Variants in PRPF38A observed in about 807,000 individuals in gnomAD.
The protein encoded by PRPF38A is pre-mRNA processing factor 38A, also known as pre-mRNA-splicing factor 38A.
A neutral mutation model predicts 46.8 loss-of-function variants in PRPF38A; 11 were observed. The ratio of observed to expected loss-of-function variants is 0.24; its 90% CI spans 0.15 to 0.39. The LOEUF is 0.39. Among genes scored for constraint, PRPF38A ranks in the 10% least tolerant of loss-of-function variants. The probability of loss-of-function intolerance (pLI) is 1.00; values close to 1 mark genes in which losing one functional copy is unlikely to be tolerated. For synonymous variants in PRPF38A, 124 were observed against 136.2 expected, an observed-to-expected ratio of 0.91 and a Z score of 0.62; for missense variants, 261 against 407.5, an observed-to-expected ratio of 0.64 and a Z score of 3.10.
rs1569984745 is a variant in PRPF38A, at chr1:52,416,864, C to T, written c.*174C>T. 6.5e-6 allele frequency: 4 copies of T among 616,672 alleles called. No homozygotes were observed. In the East Asian group the frequency reaches 8.6e-5, roughly 13 times the overall value. The allele number at this position is 616,672 out of a possible 1,614,324, so 38.2% of individuals were successfully genotyped here. On this transcript the variant is annotated 3_prime_UTR_variant, in exon 10 of 10. Coordinates refer to ENST00000257181, the MANE Select transcript of PRPF38A (RefSeq NM_032864.4). Reference sequence around the variant, plus strand: ...GTGCTGAGTTTTGTATCTTTTTAATCATAATCAACATCAGTTTTTGACCCA... The same window carrying T: ...GTGCTGAGTTTTGTATCTTTTTAATTATAATCAACATCAGTTTTTGACCCA...
At chr1:52,413,043 T>C (rs1019783974) in intron 5 of PRPF38A, among the ~76,000 whole-genome samples, 1 of 152,202 alleles carries the variant, frequency 6.6e-6, no homozygotes, top group East Asian at 1.9e-4. Context: ...CAATATTTCC[T>C]TATTAAAAGC....
At chr1:52,414,694 G>A in intron 7 of PRPF38A, 47 bp downstream of exon 7, 1 of 1,613,500 alleles carries the variant, frequency 6.2e-7, no homozygotes, top group Non-Finnish European at 8.5e-7. Flanking sequence ...TTGGGGAGGG[G>A]GTGGTGGTAT....
rs1387049820 is a variant in PRPF38A, at chr1:52,419,191, AC to A, written c.*2502del. The A allele has an allele frequency of 6.6e-6, 1 of 152,270 alleles. No homozygotes were observed. Among genetic ancestry groups the A allele is most frequent in the East Asian group, 1.9e-4 (1 of 5,190 alleles). 9.4% of individuals were successfully genotyped at this position (152,270 alleles called of 1,614,324 possible). ...GCCAACATGGAGAAACCCTGTCTCT[AC>A]TAAAAAATACAAAATTAGCCGGGCA... On this transcript the variant is annotated 3_prime_UTR_variant, in exon 10 of 10. Coordinates refer to ENST00000257181, the MANE Select transcript of PRPF38A (RefSeq NM_032864.4).
intron 3 of PRPF38A, chr1:52,409,672 T>C (rs185096912): frequency 1.3e-5 from 2 of 152,324 alleles, no homozygotes; most frequent in Non-Finnish European, 2.9e-5. Context: ...TAAATACATA[T>C]TAAGTGCCAT....
In PRPF38A at chr1:52,416,942, G is replaced by T. The variant is rs905251469; in HGVS notation, c.*252G>T. 4.1e-4 allele frequency: 183 copies of T among 449,404 alleles called. No homozygotes were observed. The highest frequency in any genetic ancestry group is 1.3e-3 in the Middle Eastern group (2 of 1,600). The allele number at this position is 449,404 out of a possible 1,614,324, so 27.8% of individuals were successfully genotyped here. On this transcript the variant is annotated 3_prime_UTR_variant, in exon 10 of 10. Coordinates refer to ENST00000257181, the MANE Select transcript of PRPF38A (RefSeq NM_032864.4). Reference sequence around the variant, plus strand: ...GAGAGTATAAAGGATCTGGAGGTTGGGGATATGACTGACAAGGAAAGGCTG... The same window carrying T: ...GAGAGTATAAAGGATCTGGAGGTTGTGGATATGACTGACAAGGAAAGGCTG...
rs142879021 is a variant in PRPF38A, at chr1:52,413,939, C to G, written c.670C>G (p.Arg224Gly). Residue 224 changes from arginine (R) to glycine (G), a missense_variant, in exon 6 of 10, where the codon CGT (arginine) becomes GGT (glycine). Physicochemically the swap from Arg to Gly is moderately radical, Grantham distance 125. Transcript: ENST00000257181. ...AAGCTACCGAGACTTGGACAAGCCC[C>G]GTCGCTCTCCCACACTGCGCTACAG... The part of the protein sequence containing the change: ...RRSYRDLDKP[R>G]RSPTLRYRRS... The G allele has an allele frequency of 1.1e-4, 176 of 1,613,966 alleles. No homozygotes were observed. The highest frequency in any genetic ancestry group is 1.4e-4 in the South Asian group (13 of 91,088).
Position 52,412,551 on chromosome 1 carries a change from C to T in PRPF38A, c.536C>T (p.Pro179Leu). 1 of 1,613,730 alleles carries T rather than the reference C, an allele frequency of 6.2e-7. No homozygotes were observed. Among genetic ancestry groups the T allele is most frequent in the East Asian group, 2.2e-5 (1 of 44,870 alleles). ...YVLEEAEQLE[P>L]RVSALEEDMD... is the part of the protein sequence containing the mutation. ...TTAGAGGAAGCTGAGCAACTGGAGCCTCGAGTTAGTGCTCTGGAAGAGGAC... is the reference window on the plus strand; with the variant it reads ...TTAGAGGAAGCTGAGCAACTGGAGCTTCGAGTTAGTGCTCTGGAAGAGGAC... The change falls in exon 5 of 10, where the codon CCT becomes CTT. Residue 179 changes from proline (P) to leucine (L), a missense_variant. By Grantham distance (98) the Pro-to-Leu change is moderately conservative (BLOSUM62 -3). Around this residue, in one of 2 missense-constraint regions of PRPF38A, gnomAD observed 180 missense variants for 221.0 expected, o/e 0.81. Coordinates refer to ENST00000257181, the MANE Select transcript of PRPF38A (RefSeq NM_032864.4).
chr1:52,410,238 G>A (rs753974209), intron 3 of PRPF38A, among the ~76,000 whole-genome samples: 1 of 148,152 alleles, frequency 6.7e-6, no homozygotes, highest in Admixed American at 6.7e-5. Flanking sequence ...GGAGGCGGAG[G>A]TTGCAGTGAG....
Position 52,413,943 on chromosome 1 carries a change from G to A in PRPF38A, c.674G>A (p.Arg225His), listed in dbSNP as rs754351353. 1.2e-5 allele frequency: 19 copies of A among 1,613,868 alleles called. No homozygotes were observed. The highest frequency in any genetic ancestry group is 5.0e-5 in the Admixed American group (3 of 59,986). The change falls in exon 6 of 10, where the codon CGC becomes CAC. Residue 225 changes from arginine to histidine, a missense_variant. Transcript: ENST00000257181. Reference sequence around the variant, plus strand: ...TACCGAGACTTGGACAAGCCCCGTCGCTCTCCCACACTGCGCTACAGGAGG... The same window carrying A: ...TACCGAGACTTGGACAAGCCCCGTCACTCTCCCACACTGCGCTACAGGAGG... Reference protein sequence around the residue: ...RSYRDLDKPRRSPTLRYRRSR... With the variant: ...RSYRDLDKPRHSPTLRYRRSR...
At chr1:52,404,913 C>T (rs758760552) in intron 1 of PRPF38A, 34 bp downstream of exon 1, 2 of 1,609,168 alleles carry the variant, frequency 1.2e-6, no homozygotes, top group Non-Finnish European at 1.7e-6. Flanking sequence ...CTCTCAGCCC[C>T]CTTGTGGCCC....
In PRPF38A at chr1:52,417,164, A is replaced by G. The variant is rs749710890; in HGVS notation, c.*474A>G. ...TTTTCCAGCAGCAGCAAGTGGTAAT[A>G]AACATGAAAACTGGTTTGTAGCAGT... On this transcript the variant is annotated 3_prime_UTR_variant, in exon 10 of 10. Transcript: ENST00000257181. 4 of 160,380 alleles carry G rather than the reference A, an allele frequency of 2.5e-5. No individual in the cohort carries two copies. Among genetic ancestry groups the G allele is most frequent in the Non-Finnish European group, 5.5e-5 (4 of 72,228 alleles). The allele number at this position is 160,380 out of a possible 1,614,324, so 9.9% of individuals were successfully genotyped here.
rs1183501163 is a variant in PRPF38A, at chr1:52,418,916, A to G, written c.*2226A>G. ...TGAATTCTGGTGTTTCCTACTTGTT[A>G]ACAGTTTTTAATATTGGATGAAACC... On this transcript the variant is annotated 3_prime_UTR_variant, in exon 10 of 10. Coordinates refer to ENST00000257181, the MANE Select transcript of PRPF38A (RefSeq NM_032864.4). 6.6e-6 allele frequency: 1 copy of G among 152,262 alleles called. No individual in the cohort carries two copies. The highest frequency in any genetic ancestry group is 1.5e-5 in the Non-Finnish European group (1 of 68,048). 9.4% of individuals were successfully genotyped at this position (152,262 alleles called of 1,614,324 possible). A position where few individuals can be genotyped will look rare whatever the true frequency, so the allele number is the denominator to read the frequency against.
In PRPF38A at chr1:52,411,207, A is replaced by T; in HGVS notation, c.498+7A>T. 6.2e-7 allele frequency: 1 copy of T among 1,604,004 alleles called. No individual in the cohort carries two copies. The highest frequency in any genetic ancestry group is 8.5e-7 in the Non-Finnish European group (1 of 1,171,468). On this transcript the variant is annotated splice_region_variant and intron_variant, in intron 4 of 9. Coordinates refer to ENST00000257181, the MANE Select transcript of PRPF38A (RefSeq NM_032864.4). ...CATTCTGCCCCGACTACAGGTAAGA[A>T]ATAAAAGTCTGTTACCAGAGTCACC...
intron 2 of PRPF38A, among the ~76,000 whole-genome samples, chr1:52,407,933 A>G (rs1291513790): frequency 2.0e-5 from 3 of 152,210 alleles, no homozygotes; most frequent in African/African-American, 7.2e-5. Flanking sequence ...GCACATGCCT[A>G]TAATCCCAGC....
chr1:52,414,033 A>T, intron 6 of PRPF38A, 42 bp downstream of exon 6: 1 of 1,340,746 alleles, frequency 7.5e-7, no homozygotes, highest in East Asian at 2.3e-5. Context: ...GATTTTGAGC[A>T]CTGTAGCCTA....
chr1:52,408,882 C>T (rs140393085), intron 3 of PRPF38A, 192 bp downstream of exon 3: 164 of 550,760 alleles, frequency 3.0e-4, no homozygotes, highest in African/African-American at 2.9e-3. Context: ...TTGGCCTTAC[C>T]CAGCCTGCCT....
chr1:52,408,461 C>A, intron 2 of PRPF38A, 108 bp from the exon 3 acceptor site: 1 of 1,482,230 alleles, frequency 6.7e-7, no homozygotes, highest in Non-Finnish European at 9.4e-7. Context: ...GCTTTCTTAC[C>A]TGCCAAAGAG....
At chr1:52,415,912 G>A (rs1016959748) in intron 9 of PRPF38A, among the ~76,000 whole-genome samples, 25 of 143,540 alleles carry the variant, frequency 1.7e-4, no homozygotes, top group African/African-American at 5.6e-4. Context: ...GCGCAATCTC[G>A]GCTCACTGCA....
chr1:52,407,545 T>G (rs1553149487), intron 2 of PRPF38A, among the ~76,000 whole-genome samples: 1 of 152,270 alleles, frequency 6.6e-6, no homozygotes, highest in Non-Finnish European at 1.5e-5. Context: ...CCCAGATGAC[T>G]TACTTTTTTC....
Sources: gnomAD v4.1 joint callset for allele counts (sites outside exome capture counted in the v4.1 genomes callset) on GRCh38, gnomAD v4.1.1 for gene constraint, gnomAD v4.1.1 regional missense constraint, MANE v1.5 for transcripts, NCBI Gene and HGNC (gene_info 2026-07-23, HGNC 2026-07-21) for gene names.